CCDC158: variants seen among roughly 807,000 people sequenced by gnomAD.
CCDC158 encodes coiled-coil domain containing 158.
A neutral mutation model predicts 138.6 loss-of-function variants in CCDC158; 116 were observed. That is an observed-to-expected ratio of 0.84 (90% confidence interval 0.72 to 0.98). The LOEUF (loss-of-function observed/expected upper bound fraction) is 0.98. CCDC158 is among the 50% of genes least tolerant of loss of function. CCDC158 has a pLI of 0.00. For missense variants in CCDC158, 1,265 were observed against 1,306.1 expected (o/e 0.97, Z 0.48); for synonymous variants, 436 against 442.4 (o/e 0.99, Z 0.18).
At chr4:76,408,494 C>T (rs1014671768) in intron 2 of CCDC158, among the ~76,000 whole-genome samples, 5 of 152,072 alleles carry the variant, frequency 3.3e-5, no homozygotes, top group African/African-American at 7.2e-5. Flanking sequence ...GCTTCATCCA[C>T]GTCCCTACAA....
Position 76,362,147 on chromosome 4 carries a change from T to G in CCDC158, c.1999A>C (p.Ser667Arg). The part of the protein sequence containing the change: ...QLLNEVKTSR[S>R]ELNNLSEEYE... ...ATACCTGAAAGATTGTTTAATTCACTCCTACTTGTTTTCACCTCATTTAAT... is the reference window on the plus strand; with the variant it reads ...ATACCTGAAAGATTGTTTAATTCACGCCTACTTGTTTTCACCTCATTTAAT... Residue 667 changes from serine (S) to arginine (R), a missense_variant, in exon 13 of 25, where the codon AGT (serine) becomes CGT (arginine). By Grantham distance (110) the Ser-to-Arg change is moderately radical (BLOSUM62 -1). Coordinates refer to ENST00000682701, the MANE Select transcript of CCDC158 (RefSeq NM_001394954.1). The G allele has an allele frequency of 1.2e-6, 2 of 1,613,908 alleles. No individual in the cohort carries two copies. The highest frequency in any genetic ancestry group is 1.3e-5 in the African/African-American group (1 of 75,038).
rs766180000 is a variant in CCDC158, at chr4:76,384,330, C to T, written c.484G>A (p.Glu162Lys). Reference protein sequence around the residue: ...HELEAAKCLKEDMLKDSNTQI... With the variant: ...HELEAAKCLKKDMLKDSNTQI... Reference sequence around the variant, plus strand: ...GTGTTGCTGTCTTTCAGCATGTCCTCTTTAAGGCATTTGGCAGCTTCAAGT... The same window carrying T: ...GTGTTGCTGTCTTTCAGCATGTCCTTTTTAAGGCATTTGGCAGCTTCAAGT... Residue 162 changes from glutamate to lysine, a missense_variant, in exon 6 of 25, where the codon GAG (glutamate) becomes AAG (lysine). Transcript: ENST00000682701. 6.2e-7 allele frequency: 1 copy of T among 1,614,114 alleles called. No individual in the cohort carries two copies. Among genetic ancestry groups the T allele is most frequent in the Admixed American group, 1.7e-5 (1 of 60,018 alleles).
intron 4 of CCDC158, among the ~76,000 whole-genome samples, chr4:76,387,625 C>T (rs560061720): frequency 2.0e-5 from 3 of 151,916 alleles, no homozygotes; most frequent in African/African-American, 7.2e-5. Context: ...GAGTTTGAGA[C>T]CAGCCTGACC....
intron 13 of CCDC158, among the ~76,000 whole-genome samples, chr4:76,359,554 G>A (rs1723928957): frequency 6.6e-6 from 1 of 152,210 alleles, no homozygotes; most frequent in Non-Finnish European, 1.5e-5. Context: ...GGGAAATGAA[G>A]TAAAGATCAT....
At chr4:76,387,411 G>T (rs1002764783) in intron 4 of CCDC158, among the ~76,000 whole-genome samples, 2 of 152,128 alleles carry the variant, frequency 1.3e-5, no homozygotes, top group African/African-American at 4.8e-5. Context: ...TGGGGACCAG[G>T]CATGGTGGCT....
At chr4:76,386,785 C>T (rs1443626545) in intron 4 of CCDC158, among the ~76,000 whole-genome samples, 3 of 152,210 alleles carry the variant, frequency 2.0e-5, no homozygotes, top group African/African-American at 7.2e-5. Context: ...GCAGGGAGAG[C>T]ACAGCAACTG....
At chr4:76,324,605 T>C (rs1720353815) in intron 23 of CCDC158, among the ~76,000 whole-genome samples, 2 of 152,056 alleles carry the variant, frequency 1.3e-5, no homozygotes, top group South Asian at 4.1e-4. Flanking sequence ...AATAATGAAG[T>C]GTCAAGCAGC....
intron 24 of CCDC158, among the ~76,000 whole-genome samples, chr4:76,318,890 GA>G (rs1011364728): frequency 2.0e-5 from 3 of 152,210 alleles, no homozygotes; most frequent in Non-Finnish European, 4.4e-5. Flanking sequence ...AGCACTTTGG[GA>G]GGCCAAGGTG....
intron 3 of CCDC158, among the ~76,000 whole-genome samples, chr4:76,397,423 T>A (rs1289849950): frequency 1.3e-5 from 2 of 152,164 alleles, no homozygotes; most frequent in African/African-American, 4.8e-5. Context: ...ATAAATTAAA[T>A]ACTAACAGAA....
chr4:76,337,138 A>G (rs1260023322), intron 18 of CCDC158, among the ~76,000 whole-genome samples: 1 of 151,850 alleles, frequency 6.6e-6, no homozygotes, highest in African/African-American at 2.4e-5. Flanking sequence ...ATGCCACCAC[A>G]CCCGGCTATT....
chr4:76,408,480 TC>T (rs1285792290), intron 2 of CCDC158, among the ~76,000 whole-genome samples: 1 of 152,174 alleles, frequency 6.6e-6, no homozygotes, highest in Non-Finnish European at 1.5e-5. Flanking sequence ...AATGATGGTT[TC>T]CAGCTTCATC....
chr4:76,387,821 T>TC (rs1298318647), intron 4 of CCDC158, among the ~76,000 whole-genome samples: 1 of 104,018 alleles, frequency 9.6e-6, no homozygotes, highest in African/African-American at 3.8e-5. Flanking sequence ...AGACTACAAC[T>TC]AAAAAAAAAA....
chr4:76,391,023 C>T (rs1727264636), intron 4 of CCDC158, among the ~76,000 whole-genome samples: 1 of 151,932 alleles, frequency 6.6e-6, no homozygotes, highest in Admixed American at 6.6e-5. Flanking sequence ...AGCCTCAATA[C>T]AACAATAGCT....
In CCDC158 at chr4:76,367,628, G is replaced by A. The variant is rs752261127; in HGVS notation, c.1496C>T (p.Ser499Leu). The A allele has an allele frequency of 3.7e-6, 6 of 1,613,880 alleles. No individual in the cohort carries two copies. In the African/African-American group the frequency reaches 4.0e-5, roughly 11 times the overall value. ...TTCCTGGAGAGAAGTTGTCAGGTCCGATATTGTCCTCTCTGAGCTCTCCAG... is the reference window on the plus strand; with the variant it reads ...TTCCTGGAGAGAAGTTGTCAGGTCCAATATTGTCCTCTCTGAGCTCTCCAG... Reference protein sequence around the residue: ...MTLESSERTISDLTTSLQEKE... With the variant: ...MTLESSERTILDLTTSLQEKE... The change falls in exon 12 of 25, where the codon TCG becomes TTG. Residue 499 changes from serine (S) to leucine (L), a missense_variant. Physicochemically the swap from Ser to Leu is moderately radical, Grantham distance 145. Coordinates refer to ENST00000682701, the MANE Select transcript of CCDC158 (RefSeq NM_001394954.1).
chr4:76,350,709 T>A (rs535270342), intron 18 of CCDC158, among the ~76,000 whole-genome samples: 1 of 152,224 alleles, frequency 6.6e-6, no homozygotes, highest in Non-Finnish European at 1.5e-5. Context: ...TGCCTTTGCC[T>A]TTTGAAGTGA....
chr4:76,336,459 T>C (rs1479596273), intron 18 of CCDC158, among the ~76,000 whole-genome samples: 1 of 152,146 alleles, frequency 6.6e-6, no homozygotes, highest in Non-Finnish European at 1.5e-5. Flanking sequence ...TGAAAATCAT[T>C]TGGTTCTAGT....
intron 13 of CCDC158, among the ~76,000 whole-genome samples, chr4:76,359,489 T>G (rs1723920976): frequency 6.6e-6 from 1 of 152,228 alleles, no homozygotes; most frequent in Non-Finnish European, 1.5e-5. Context: ...CTGACAGTGA[T>G]ATGAACAATG....
At chr4:76,404,890 A>G (rs562844851) in intron 2 of CCDC158, among the ~76,000 whole-genome samples, 1 of 152,208 alleles carries the variant, frequency 6.6e-6, no homozygotes, top group South Asian at 2.1e-4. Context: ...GACAAAAAAA[A>G]GGAGTGAGAG....
At chr4:76,369,680 C>A in intron 10 of CCDC158, 57 bp from the exon 11 acceptor site, 1 of 1,450,390 alleles carries the variant, frequency 6.9e-7, no homozygotes, top group South Asian at 1.2e-5. Context: ...TAAGATAAAA[C>A]ATATTGTCTT....
Sources: gnomAD v4.1 joint callset for allele counts (sites outside exome capture counted in the v4.1 genomes callset) on GRCh38, gnomAD v4.1.1 for gene constraint, MANE v1.5 for transcripts, NCBI Gene and HGNC (gene_info 2026-07-23, HGNC 2026-07-21) for gene names.